PKHD1: variants seen among roughly 807,000 people sequenced by gnomAD.
PKHD1 encodes fibrocystin.
A neutral mutation model predicts 412.0 loss-of-function variants in PKHD1; 291 were observed. That is an observed-to-expected ratio of 0.71 (90% CI 0.64 to 0.78). PKHD1 has a LOEUF of 0.78. PKHD1 is among the 30% of genes least tolerant of loss of function. PKHD1 has a pLI of 0.00. For synonymous variants in PKHD1, 1,777 were observed against 1,821.5 expected (o/e 0.98, Z 0.62); for missense variants, 4,825 against 4,950.7 (o/e 0.97, Z 0.76).
intron 64 of PKHD1, among the ~76,000 whole-genome samples, chr6:51,636,716 A>G (rs1768627056): frequency 6.6e-6 from 1 of 152,186 alleles, no homozygotes; most frequent in East Asian, 1.9e-4. Context: ...GCTTTCCCCA[A>G]CATTCTAGCA....
At chr6:51,826,935 C>T (rs527322886) in intron 52 of PKHD1, among the ~76,000 whole-genome samples, 8 of 151,886 alleles carry the variant, frequency 5.3e-5, no homozygotes, top group Non-Finnish European at 7.4e-5. Flanking sequence ...GGCAATTTAC[C>T]CTAAGAATTT....
At chr6:52,064,913 A>G in intron 13 of PKHD1, 42 bp downstream of exon 13, 1 of 911,000 alleles carries the variant, frequency 1.1e-6, no homozygotes, top group Non-Finnish European at 1.7e-6. Flanking sequence ...TCATGATTAA[A>G]GATATTCAGA....
chr6:51,660,880 T>C (rs1365493917), intron 60 of PKHD1, among the ~76,000 whole-genome samples: 1 of 152,102 alleles, frequency 6.6e-6, no homozygotes, highest in Non-Finnish European at 1.5e-5. Context: ...TTATTGGTTG[T>C]TGGTGATCGA....
chr6:51,841,126 T>C lies in PKHD1; in HGVS notation c.8108-4657A>G, dbSNP rs143688528. Among the ~76,000 whole-genome samples, 3 of 152,284 alleles carry C rather than the reference T, an allele frequency of 2.0e-5. No homozygotes were observed. The East Asian group carries it at 5.8e-4, about 29-fold the overall frequency. ...GAAGCACAGTGTTAACTAAGTATTG[T>C]TTTTTCTTATAAATTGAAAGAAGAA... On this transcript the variant is annotated intron_variant, in intron 50 of 66. Coordinates refer to ENST00000371117, the MANE Select transcript of PKHD1 (RefSeq NM_138694.4).
Position 51,883,245 on chromosome 6 carries a change from T to A in PKHD1, c.7216-18A>T, listed in dbSNP as rs766113879. The A allele has an allele frequency of 5.6e-6, 9 of 1,611,710 alleles. No individual in the cohort carries two copies. The highest frequency in any genetic ancestry group is 7.6e-6 in the Non-Finnish European group (9 of 1,178,132). ...CTAAAAATCTATAAAATACAGCATG[T>A]TACAGCAAAGGTCTGAGGCTTGGTT... On this transcript the variant is annotated intron_variant, in intron 45 of 66. Transcript: ENST00000371117.
intron 54 of PKHD1, among the ~76,000 whole-genome samples, chr6:51,774,090 A>T (rs931336772): frequency 6.6e-6 from 1 of 151,982 alleles, no homozygotes; most frequent in Non-Finnish European, 1.5e-5. Context: ...CAACCAAAGC[A>T]TTTATAACAA....
chr6:51,668,407 C>A (rs1774248375), intron 60 of PKHD1, among the ~76,000 whole-genome samples: 1 of 152,210 alleles, frequency 6.6e-6, no homozygotes, highest in Admixed American at 6.5e-5. Flanking sequence ...TATCCTGAGA[C>A]TTTGCTGAAT....
intron 52 of PKHD1, among the ~76,000 whole-genome samples, chr6:51,807,151 G>C (rs1404383540): frequency 2.0e-5 from 3 of 151,950 alleles, no homozygotes; most frequent in Admixed American, 6.6e-5. Flanking sequence ...TATCTGGCCA[G>C]GCATGGTGAC....
At chr6:51,807,485 A>G (rs78586244) in intron 52 of PKHD1, among the ~76,000 whole-genome samples, 12,527 of 111,442 alleles carry the variant, frequency 0.11, 1,244 homozygotes, top group African/African-American at 0.2. Flanking sequence ...ATATATGTAT[A>G]TGTGTGTGTG....
chr6:51,807,449 AAAAAAAAAAATAT>A (rs1562355898), intron 52 of PKHD1, among the ~76,000 whole-genome samples: 1 of 100,684 alleles, frequency 9.9e-6, no homozygotes, highest in Non-Finnish European at 1.9e-5. Context: ...AAAAAAAAAA[AAAAAAAAAAATAT>A]ATATATATAT....
intron 60 of PKHD1, among the ~76,000 whole-genome samples, chr6:51,710,616 G>C (rs572141112): frequency 1.3e-5 from 2 of 151,726 alleles, no homozygotes; most frequent in African/African-American, 4.8e-5. Flanking sequence ...CTGGGACCCA[G>C]GCCAAACTCA....
chr6:51,953,375 T>A (rs1201216962), intron 36 of PKHD1, among the ~76,000 whole-genome samples: 1 of 152,126 alleles, frequency 6.6e-6, no homozygotes, highest in Non-Finnish European at 1.5e-5. Flanking sequence ...TCCTAACTGG[T>A]AGCTATGAAG....
intron 36 of PKHD1, among the ~76,000 whole-genome samples, chr6:51,936,017 A>T (rs1405877995): frequency 6.6e-6 from 1 of 152,142 alleles, no homozygotes; most frequent in Non-Finnish European, 1.5e-5. Flanking sequence ...GATATCAGGC[A>T]TATTATATAT....
intron 50 of PKHD1, among the ~76,000 whole-genome samples, chr6:51,847,039 A>C (rs1771291205): frequency 6.6e-6 from 1 of 151,658 alleles, no homozygotes; most frequent in African/African-American, 2.4e-5. Flanking sequence ...GGCTCACTGC[A>C]GGCTCAACTT....
chr6:52,055,122 G>C (rs553962361), intron 19 of PKHD1, among the ~76,000 whole-genome samples: 42 of 152,244 alleles, frequency 2.8e-4, no homozygotes, highest in Non-Finnish European at 4.7e-4. Flanking sequence ...CCTTCACTGG[G>C]TCCTAACTGT....
chr6:51,770,799 G>A (rs1789961869), intron 55 of PKHD1, among the ~76,000 whole-genome samples: 1 of 151,972 alleles, frequency 6.6e-6, no homozygotes, highest in South Asian at 2.1e-4. Flanking sequence ...TTTGAATGGT[G>A]AAGATTCATT....
chr6:52,062,037 C>T (rs567756382), intron 14 of PKHD1, among the ~76,000 whole-genome samples: 20 of 152,286 alleles, frequency 1.3e-4, no homozygotes, highest in Admixed American at 5.9e-4. Flanking sequence ...TCTCACAGAA[C>T]CCGCAAGAGC....
chr6:51,888,415 T>C (rs1778545998), intron 43 of PKHD1, among the ~76,000 whole-genome samples: 1 of 152,152 alleles, frequency 6.6e-6, no homozygotes, highest in African/African-American at 2.4e-5. Context: ...TTAAGACAAA[T>C]TAAAAAACTG....
At chr6:51,749,895 C>G (rs1785806007) in intron 57 of PKHD1, among the ~76,000 whole-genome samples, 1 of 151,972 alleles carries the variant, frequency 6.6e-6, no homozygotes. Context: ...AACTTTGGCT[C>G]CTTTTATTTC....
Sources: gnomAD v4.1 joint callset for allele counts (sites outside exome capture counted in the v4.1 genomes callset) on GRCh38, gnomAD v4.1.1 for gene constraint, MANE v1.5 for transcripts, NCBI Gene and HGNC (gene_info 2026-07-23, HGNC 2026-07-21) for gene names.